The following FLT3 variants were observed in gnomAD, a reference collection of about 807,000 sequenced individuals.
The protein encoded by FLT3 is receptor-type tyrosine-protein kinase FLT3.
Under a neutral mutation model 126.6 loss-of-function variants are expected in FLT3, and 46 were observed. The ratio of observed to expected loss-of-function variants is 0.36; its 90% CI spans 0.29 to 0.46. The LOEUF (loss-of-function observed/expected upper bound fraction) is 0.46, where lower values mean the gene tolerates loss of function less well. Among genes scored for constraint, FLT3 ranks in the 20% least tolerant of loss-of-function variants. The pLI is 1.00. For missense variants in FLT3, 1,069 were observed against 1,190.3 expected (o/e 0.90, Z 1.50); for synonymous variants, 404 against 434.4 (o/e 0.93, Z 0.87).
chr13:28,029,283 T>C (rs913157833), intron 15 of FLT3, among the ~76,000 whole-genome samples: 1 of 152,090 alleles, frequency 6.6e-6, no homozygotes, highest in African/African-American at 2.4e-5. Flanking sequence ...TTCCAGCTAC[T>C]CAGGAGGATG....
Position 28,062,743 on chromosome 13 carries a change from C to CAAAAAA in FLT3, c.166-680_166-675dup, listed in dbSNP as rs59718306. The stretch of plus-strand genomic sequence containing the variant: ...TGGGCAACAGAGTGAAACTCTGTCT[C>CAAAAAA]AAAAAAAAAAAAAAAAGAGGAGATT... On this transcript the variant is annotated intron_variant, in intron 2 of 23. Transcript: ENST00000241453. Among the ~76,000 whole-genome samples the CAAAAAA allele has an allele frequency of 5.0e-3, 445 of 89,666 alleles. 18 individuals are homozygous for CAAAAAA. The highest frequency in any genetic ancestry group is 0.014 in the East Asian group (49 of 3,424). 58.8% of individuals were successfully genotyped at this position (89,666 alleles called of 152,430 possible).
intron 1 of FLT3, among the ~76,000 whole-genome samples, chr13:28,071,650 G>A (rs1201162767): frequency 1.3e-5 from 2 of 152,128 alleles, no homozygotes; most frequent in Non-Finnish European, 1.5e-5. Flanking sequence ...ATCTCTGTAG[G>A]TGTATATTTA....
chr13:28,080,632 G>A (rs1203537590), intron 1 of FLT3, among the ~76,000 whole-genome samples: 1 of 152,098 alleles, frequency 6.6e-6, no homozygotes, highest in Non-Finnish European at 1.5e-5. Context: ...CTTGTTTTTA[G>A]AGGATCAGAA....
intron 23 of FLT3, among the ~76,000 whole-genome samples, chr13:28,004,824 G>A (rs1313448609): frequency 6.6e-6 from 1 of 152,024 alleles, no homozygotes; most frequent in Non-Finnish European, 1.5e-5. Flanking sequence ...TGTCACCCTA[G>A]AAATCCTAAA....
At chr13:28,092,569 C>T (rs1879183592) in intron 1 of FLT3, among the ~76,000 whole-genome samples, 1 of 152,034 alleles carries the variant, frequency 6.6e-6, no homozygotes, top group Non-Finnish European at 1.5e-5. Context: ...AAGCAATTCT[C>T]AGCTCCACAT....
chr13:28,044,598 C>T (rs181023725), intron 9 of FLT3, among the ~76,000 whole-genome samples: 41 of 152,226 alleles, frequency 2.7e-4, no homozygotes, highest in African/African-American at 9.4e-4. Context: ...TTGTGTTGTT[C>T]GTTTCTTGTT....
In FLT3 at chr13:28,034,380, ATGT is replaced by A; in HGVS notation, c.1622_1624del (p.Asn541del). ...AACACCAATTGTTGCATAGAATGAG[ATGT>A]TGTCTTGGATGAAAGGGAAGGGGCC... On this transcript the variant is annotated inframe_deletion, in exon 13 of 24. Transcript: ENST00000241453. The A allele has an allele frequency of 6.2e-7, 1 of 1,614,022 alleles. No individual in the cohort carries two copies. The highest frequency in any genetic ancestry group is 8.5e-7 in the Non-Finnish European group (1 of 1,179,864).
At chr13:28,075,643 T>G (rs555198338) in intron 1 of FLT3, among the ~76,000 whole-genome samples, 109 of 151,594 alleles carry the variant, frequency 7.2e-4, no homozygotes, top group African/African-American at 2.6e-3. Flanking sequence ...AAGAATCACT[T>G]CAACCTGGGA....
At chr13:28,018,971 T>TC (rs1447976701) in intron 19 of FLT3, among the ~76,000 whole-genome samples, 1 of 124,518 alleles carries the variant, frequency 8.0e-6, no homozygotes, top group Non-Finnish European at 1.5e-5. Flanking sequence ...CTCTTTTCTT[T>TC]TTTTTTTTTT....
chr13:28,051,297 C>A (rs181748495), intron 5 of FLT3, among the ~76,000 whole-genome samples: 1 of 151,746 alleles, frequency 6.6e-6, no homozygotes. Context: ...AGTGCAATGG[C>A]GCGATCTCGG....
chr13:28,072,978 C>A (rs1299620802), intron 1 of FLT3, among the ~76,000 whole-genome samples: 1 of 151,764 alleles, frequency 6.6e-6, no homozygotes, highest in African/African-American at 2.4e-5. Context: ...GCACTCCAGC[C>A]TGGGCGACAG....
rs574295492 is a variant in FLT3, at chr13:28,004,261, A to G, written c.2860-87T>C. 2.9e-6 allele frequency: 4 copies of G among 1,370,418 alleles called. No homozygotes were observed. In the African/African-American group the frequency reaches 4.3e-5, roughly 15 times the overall value. 84.9% of individuals were successfully genotyped at this position (1,370,418 alleles called of 1,614,324 possible). A position where few individuals can be genotyped will look rare whatever the true frequency, so the allele number is the denominator to read the frequency against. On this transcript the variant is annotated intron_variant, in intron 23 of 23. Transcript: ENST00000241453. ...CCCATATTACAAATTATTTAAATAA[A>G]AACAGTTGTTCTATATAGACAATTA...
Position 28,070,593 on chromosome 13 carries a change from T to C in FLT3, c.63A>G (p.Ile21Met). The C allele has an allele frequency of 6.2e-7, 1 of 1,602,940 alleles. No individual in the cohort carries two copies. The highest frequency in any genetic ancestry group is 8.5e-7 in the Non-Finnish European group (1 of 1,171,306). ...GATCTTGATTTGTAATAGTCCCAAA[T>C]ATCATTGCAGAAAAAACAACTGTAA... ...LPLLVVFSAM[I>M]FGTITNQDLP... is the part of the protein sequence containing the mutation. Residue 21 changes from isoleucine to methionine, a missense_variant, in exon 2 of 24, where the codon ATA (isoleucine) becomes ATG (methionine). Physicochemically the swap from Ile to Met is conservative, Grantham distance 10. Coordinates refer to ENST00000241453, the MANE Select transcript of FLT3 (RefSeq NM_004119.3).
chr13:28,067,431 G>A (rs1446547479), intron 2 of FLT3, among the ~76,000 whole-genome samples: 3 of 152,118 alleles, frequency 2.0e-5, no homozygotes, highest in Admixed American at 2.0e-4. Context: ...ACAGTACAGA[G>A]GCAGTGGGCT....
At chr13:28,015,091 G>A (rs1269579613) in intron 22 of FLT3, 66 bp downstream of exon 22, 2 of 976,428 alleles carry the variant, frequency 2.0e-6, no homozygotes, top group Non-Finnish European at 3.2e-6. Flanking sequence ...TTTTGGTCAT[G>A]CATTTGGAAG....
Position 28,028,294 on chromosome 13 carries a change from A to T in FLT3, c.1943-6T>A. 6.9e-7 allele frequency: 1 copy of T among 1,440,780 alleles called. No homozygotes were observed. Among genetic ancestry groups the T allele is most frequent in the Non-Finnish European group, 9.8e-7 (1 of 1,023,164 alleles). The allele number at this position is 1,440,780 out of a possible 1,614,324, so 89.2% of individuals were successfully genotyped here. ...TTCAGAGCTGTCTGCTTTTTCTGTC[A>T]AAGAAAGGAGCATTAAAAATGTAAA... On this transcript the variant is annotated splice_polypyrimidine_tract_variant and splice_region_variant and intron_variant, in intron 15 of 23. Coordinates refer to ENST00000241453, the MANE Select transcript of FLT3 (RefSeq NM_004119.3).
At chr13:28,035,829 A>G (rs1593243026) in intron 11 of FLT3, 106 bp downstream of exon 11, 1 of 1,220,182 alleles carries the variant, frequency 8.2e-7, no homozygotes, top group East Asian at 2.3e-5. Context: ...GAAGGTTAGC[A>G]TTTTAAATAT....
chr13:28,100,471 G>T lies in FLT3; in HGVS notation c.40C>A (p.Leu14Ile). 8.2e-7 allele frequency: 1 copy of T among 1,217,860 alleles called. No individual in the cohort carries two copies. Among genetic ancestry groups the T allele is most frequent in the Non-Finnish European group, 1.0e-6 (1 of 979,064 alleles). The allele number at this position is 1,217,860 out of a possible 1,614,324, so 75.4% of individuals were successfully genotyped here. A position where few individuals can be genotyped will look rare whatever the true frequency, so the allele number is the denominator to read the frequency against. Residue 14 changes from leucine to isoleucine, a missense_variant, in exon 1 of 24, where the codon CTC becomes ATC. Coordinates refer to ENST00000241453, the MANE Select transcript of FLT3 (RefSeq NM_004119.3). This position sits in a 1 kb window ranked among gnomAD's most constrained non-coding sequence, Gnocchi z 4.8. ...GAGCGAGCGAGCGGGGCCTTACCGA[G>T]CAGCGGCAGCTGGCCGCCGTCGCGC... The part of the protein sequence containing the change: ...LARDGGQLPL[L>I]VVFSAMIFGT...
rs758754526 is a variant in FLT3 at position 28,028,162 on chromosome 13, C to T, written c.2053+16G>A. On this transcript the variant is annotated intron_variant, in intron 16 of 23. Coordinates refer to ENST00000241453, the MANE Select transcript of FLT3 (RefSeq NM_004119.3). ...ACAGTCTTTTTGATGAGGTGATTTT[C>T]GTGGAAGTGGGTTACCTGACAGTGT... The T allele has an allele frequency of 5.1e-5, 66 of 1,297,904 alleles. No individual in the cohort carries two copies. The highest frequency in any genetic ancestry group is 3.1e-4 in the African/African-American group (21 of 68,712). The allele number at this position is 1,297,904 out of a possible 1,614,324, so 80.4% of individuals were successfully genotyped here. A position where few individuals can be genotyped will look rare whatever the true frequency, so the allele number is the denominator to read the frequency against.
Sources: allele counts gnomAD v4.1 joint callset (sites outside exome capture counted in the v4.1 genomes callset), GRCh38; gene constraint gnomAD v4.1.1; non-coding constraint Gnocchi (gnomAD v3.1); transcripts MANE v1.5; gene names NCBI Gene and HGNC (gene_info 2026-07-23, HGNC 2026-07-21).